DNAH6: variants seen among roughly 807,000 people sequenced by gnomAD.
DNAH6 encodes dynein axonemal heavy chain 6, also known as axonemal beta dynein heavy chain 6.
Under a neutral mutation model 491.4 loss-of-function variants are expected in DNAH6, and 340 were observed. The observed-to-expected ratio is 0.69, with a 90% confidence interval of 0.63 to 0.76. DNAH6 has a LOEUF of 0.76. DNAH6 is among the 30% of genes least tolerant of loss of function. The pLI, the probability that DNAH6 is intolerant of heterozygous loss-of-function variation, is 0.00. For synonymous variants in DNAH6, 1,603 were observed against 1,686.1 expected (o/e 0.95, Z 1.21); for missense variants, 4,443 against 4,972.2 (o/e 0.89, Z 3.20).
At chr2:84,755,362 C>T (rs1349695500) in intron 63 of DNAH6, among the ~76,000 whole-genome samples, 1 of 152,202 alleles carries the variant, frequency 6.6e-6, no homozygotes, top group Admixed American at 6.5e-5. Flanking sequence ...GGACTTCAGC[C>T]TCCAGAACCA....
At chr2:84,773,268 A>G (rs1359420692) in intron 64 of DNAH6, among the ~76,000 whole-genome samples, 1 of 151,930 alleles carries the variant, frequency 6.6e-6, no homozygotes, top group Non-Finnish European at 1.5e-5. Flanking sequence ...CTTTATGTCC[A>G]TGTGTACCCA....
At chr2:84,539,265 A>G (rs1489284572) in intron 4 of DNAH6, among the ~76,000 whole-genome samples, 1 of 152,056 alleles carries the variant, frequency 6.6e-6, no homozygotes, top group Non-Finnish European at 1.5e-5. Context: ...TTTTTTCCCA[A>G]TACAGTTAGA....
At chr2:84,519,481 G>A (rs1224253468) in intron 2 of DNAH6, among the ~76,000 whole-genome samples, 2 of 152,048 alleles carry the variant, frequency 1.3e-5, no homozygotes, top group Non-Finnish European at 2.9e-5. Context: ...ATAGTCTAGT[G>A]ACTAATTTCA....
At chr2:84,743,888 C>A (rs532632359) in intron 62 of DNAH6, among the ~76,000 whole-genome samples, 12 of 152,294 alleles carry the variant, frequency 7.9e-5, no homozygotes, top group African/African-American at 2.6e-4. Context: ...ACATTATTTT[C>A]TCCCATCATT....
chr2:84,772,962 G>A (rs989698787), intron 64 of DNAH6, among the ~76,000 whole-genome samples: 2 of 151,250 alleles, frequency 1.3e-5, no homozygotes, highest in Non-Finnish European at 3.0e-5. Flanking sequence ...AAACACTAAA[G>A]GAATAAAATT....
At chr2:84,808,159 G>A (rs1260137000) in intron 71 of DNAH6, among the ~76,000 whole-genome samples, 1 of 151,974 alleles carries the variant, frequency 6.6e-6, no homozygotes, top group Non-Finnish European at 1.5e-5. Context: ...GTGTGTGTGT[G>A]TGTGTGTGTG....
rs138102743 is a variant in DNAH6 at position 84,768,722 on chromosome 2, G to A, written c.10703+5777G>A. On this transcript the variant is annotated intron_variant, in intron 64 of 76. Coordinates refer to ENST00000389394, the MANE Select transcript of DNAH6 (RefSeq NM_001370.2). ...GATGGATATGCCATATTTATTAAGTGGAAGACTCAATATTGTAAAGATATC... is the reference window on the plus strand; with the variant it reads ...GATGGATATGCCATATTTATTAAGTAGAAGACTCAATATTGTAAAGATATC... 3.4e-4 allele frequency among the ~76,000 whole-genome samples: 51 copies of A among 152,194 alleles called. No homozygotes were observed. In the East Asian group the frequency reaches 7.9e-3, roughly 24 times the overall value.
intron 70 of DNAH6, 125 bp downstream of exon 70, chr2:84,797,783 C>A: frequency 1.1e-6 from 1 of 886,538 alleles, no homozygotes; most frequent in Non-Finnish European, 1.7e-6. Context: ...ATAATTGTTT[C>A]ACCTTGACTT....
At chr2:84,720,698 T>C (rs893293326) in intron 59 of DNAH6, among the ~76,000 whole-genome samples, 22 of 152,220 alleles carry the variant, frequency 1.4e-4, no homozygotes, top group African/African-American at 5.3e-4. Context: ...TGCTAAGTCA[T>C]TGCCACCCTT....
At chr2:84,556,487 C>T (rs1485735272) in intron 10 of DNAH6, among the ~76,000 whole-genome samples, 1 of 152,184 alleles carries the variant, frequency 6.6e-6, no homozygotes, top group Admixed American at 6.5e-5. Context: ...TCGACAAGCT[C>T]CTCTTCATCT....
chr2:84,767,816 C>T (rs1371552624), intron 64 of DNAH6, among the ~76,000 whole-genome samples: 3 of 151,806 alleles, frequency 2.0e-5, no homozygotes, highest in African/African-American at 7.3e-5. Flanking sequence ...TCTACTAAAC[C>T]CCAAGCATAA....
At chr2:84,520,680 G>T (rs536396863) in intron 2 of DNAH6, among the ~76,000 whole-genome samples, 1 of 152,032 alleles carries the variant, frequency 6.6e-6, no homozygotes, top group Admixed American at 6.6e-5. Context: ...GTGATATTTG[G>T]TTTTCTGTTG....
intron 64 of DNAH6, among the ~76,000 whole-genome samples, chr2:84,778,842 G>T (rs967285297): frequency 1.3e-5 from 2 of 152,118 alleles, no homozygotes; most frequent in Non-Finnish European, 2.9e-5. Flanking sequence ...TCAGCATATT[G>T]TGTCTCTCTT....
At chr2:84,776,643 C>T (rs1676150687) in intron 64 of DNAH6, among the ~76,000 whole-genome samples, 1 of 152,218 alleles carries the variant, frequency 6.6e-6, no homozygotes, top group African/African-American at 2.4e-5. Context: ...TACAGTCCCA[C>T]CAACAGTGTA....
chr2:84,704,253 G>C lies in DNAH6; in HGVS notation c.8416G>C (p.Asp2806His). 1 of 1,551,740 alleles carries C rather than the reference G, an allele frequency of 6.4e-7. No homozygotes were observed. Among genetic ancestry groups the C allele is most frequent in the South Asian group, 1.2e-5 (1 of 84,050 alleles). Residue 2806 changes from aspartate to histidine, a missense_variant, in exon 51 of 77, where the codon GAT (aspartate) becomes CAT (histidine). Coordinates refer to ENST00000389394, the MANE Select transcript of DNAH6 (RefSeq NM_001370.2). ...SEIRVFTKPP[D>H]LVMTVMEAIS... ...AATCAGAGTTTTTACAAAGCCCCCA[G>C]ATTTGGTCATGACAGTAATGGAAGC... is the stretch of plus-strand genomic sequence containing the variant.
At chr2:84,553,365 TTTTC>T (rs869077601) in intron 10 of DNAH6, among the ~76,000 whole-genome samples, 2,796 of 18,928 alleles carry the variant, frequency 0.15, 61 homozygotes, top group Middle Eastern at 0.22. Flanking sequence ...TTTTCTTTTC[TTTTC>T]TTTCTTTCTT....
intron 3 of DNAH6, among the ~76,000 whole-genome samples, chr2:84,526,546 C>T (rs1427985322): frequency 1.3e-5 from 2 of 152,214 alleles, no homozygotes; most frequent in East Asian, 3.9e-4. Flanking sequence ...TTACACCTGG[C>T]CATCGGGGGG....
chr2:84,658,591 C>A, intron 36 of DNAH6, 117 bp downstream of exon 36: 1 of 708,402 alleles, frequency 1.4e-6, no homozygotes, highest in Non-Finnish European at 2.2e-6. Context: ...GTTAATTTTT[C>A]AGGGGACTAA....
At chr2:84,717,524 T>C (rs142514470) in intron 58 of DNAH6, among the ~76,000 whole-genome samples, 79 of 151,172 alleles carry the variant, frequency 5.2e-4, no homozygotes, top group African/African-American at 1.9e-3. Flanking sequence ...AGAGTCTGTT[T>C]GTTCACCTGC....
Sources: allele counts gnomAD v4.1 joint callset (sites outside exome capture counted in the v4.1 genomes callset), GRCh38; gene constraint gnomAD v4.1.1; transcripts MANE v1.5; gene names NCBI Gene and HGNC (gene_info 2026-07-23, HGNC 2026-07-21).